Variants in MIPOL1 observed in about 807,000 individuals in gnomAD.
The protein encoded by MIPOL1 is mirror-image polydactyly gene 1 protein.
A neutral mutation model predicts 60.9 loss-of-function variants in MIPOL1; 57 were observed. The ratio of observed to expected loss-of-function variants is 0.94; its 90% confidence interval spans 0.76 to 1.17. MIPOL1 has a LOEUF of 1.17. MIPOL1 is among the 50% of genes most tolerant of loss of function. The pLI, the probability that MIPOL1 is intolerant of heterozygous loss-of-function variation, is 0.00. For missense variants in MIPOL1, 551 were observed against 511.6 expected (o/e 1.08, Z -0.74); for synonymous variants, 179 against 168.8 (o/e 1.06, Z -0.47).
intron 12 of MIPOL1, among the ~76,000 whole-genome samples, chr14:37,541,800 C>T (rs942278113): frequency 6.6e-6 from 1 of 152,174 alleles, no homozygotes; most frequent in African/African-American, 2.4e-5. Flanking sequence ...GTTAACCAGT[C>T]GTAGTTTCAA....
intron 7 of MIPOL1, among the ~76,000 whole-genome samples, chr14:37,295,701 CAAAG>C (rs1318051999): frequency 1.4e-4 from 21 of 152,202 alleles, no homozygotes; most frequent in South Asian, 2.1e-4. Context: ...TCAAAAGAGA[CAAAG>C]AAGGCCATTG....
chr14:37,269,551 G>A (rs1354671457), intron 5 of MIPOL1, among the ~76,000 whole-genome samples: 1 of 152,070 alleles, frequency 6.6e-6, no homozygotes, highest in Non-Finnish European at 1.5e-5. Flanking sequence ...GATTCTGTAT[G>A]AGATGTTTTC....
chr14:37,355,003 T>C (rs1458788007), intron 9 of MIPOL1, among the ~76,000 whole-genome samples: 8 of 123,738 alleles, frequency 6.5e-5, no homozygotes, highest in African/African-American at 2.1e-4. Flanking sequence ...TTCCTAGTCT[T>C]GATGGTCTTT....
rs1029631988 is a variant in MIPOL1 at position 37,308,072 on chromosome 14, C to T, written c.640C>T (p.Pro214Ser). The change falls in exon 8 of 13, where the codon CCT becomes TCT. Residue 214 changes from proline (P) to serine (S), a missense_variant. Transcript: ENST00000684589. ...MSLKVLENIN[P>S]EENDMTLQEL... ...TTTTTCTAGGCTAGAAAATATTAAC[C>T]CTGAAGAAAATGACATGGTAAGCCA... 1.2e-6 allele frequency: 2 copies of T among 1,610,368 alleles called. No individual in the cohort carries two copies. The highest frequency in any genetic ancestry group is 1.7e-6 in the Non-Finnish European group (2 of 1,177,978).
chr14:37,204,019 T>G (rs1239360326), intron 1 of MIPOL1, among the ~76,000 whole-genome samples: 1 of 152,036 alleles, frequency 6.6e-6, no homozygotes, highest in Non-Finnish European at 1.5e-5. Flanking sequence ...CCTGACCACG[T>G]GGTCCGCCCA....
intron 6 of MIPOL1, among the ~76,000 whole-genome samples, chr14:37,272,873 A>G (rs1234187397): frequency 6.6e-6 from 1 of 151,570 alleles, no homozygotes. Context: ...ACTTATAAAA[A>G]CATCTGAACT....
At chr14:37,269,752 T>G (rs1311605700) in intron 5 of MIPOL1, among the ~76,000 whole-genome samples, 1 of 152,208 alleles carries the variant, frequency 6.6e-6, no homozygotes, top group Admixed American at 6.5e-5. Context: ...ATCTGTTATT[T>G]TATTAGGCAA....
intron 1 of MIPOL1, among the ~76,000 whole-genome samples, chr14:37,222,702 CTTAAG>C (rs753262196): frequency 1.3e-5 from 2 of 152,170 alleles, no homozygotes; most frequent in Non-Finnish European, 2.9e-5. Context: ...ATCATGATCT[CTTAAG>C]TTATTTGTAA....
At chr14:37,299,896 T>C (rs1024259542) in intron 7 of MIPOL1, among the ~76,000 whole-genome samples, 1 of 152,104 alleles carries the variant, frequency 6.6e-6, no homozygotes, top group Non-Finnish European at 1.5e-5. Flanking sequence ...ACATTTTCTC[T>C]AACTTTTCTT....
intron 1 of MIPOL1, among the ~76,000 whole-genome samples, chr14:37,214,809 C>T (rs924874260): frequency 1.2e-4 from 18 of 152,066 alleles, no homozygotes; most frequent in East Asian, 3.9e-4. Flanking sequence ...CATTACCAAG[C>T]GGACCGTGGT....
At chr14:37,248,107 C>T (rs1379425492) in intron 3 of MIPOL1, among the ~76,000 whole-genome samples, 200 bp downstream of exon 3, 1 of 150,914 alleles carries the variant, frequency 6.6e-6, no homozygotes, top group Non-Finnish European at 1.5e-5. Context: ...GACATACACA[C>T]AGAGAGAAAG....
intron 11 of MIPOL1, among the ~76,000 whole-genome samples, chr14:37,464,279 C>A (rs1027158650): frequency 1.3e-5 from 2 of 152,134 alleles, no homozygotes; most frequent in African/African-American, 2.4e-5. Flanking sequence ...GAAAAAGACA[C>A]CTGCACTTGT....
intron 10 of MIPOL1, among the ~76,000 whole-genome samples, chr14:37,414,147 A>G (rs957246742): frequency 3.9e-5 from 6 of 152,194 alleles, no homozygotes; most frequent in Non-Finnish European, 7.3e-5. Context: ...CAAATCTAAC[A>G]TAATATAATC....
intron 7 of MIPOL1, among the ~76,000 whole-genome samples, chr14:37,293,241 C>T (rs1473143686): frequency 6.6e-6 from 1 of 152,138 alleles, no homozygotes. Flanking sequence ...AGCTCACTAT[C>T]TTCCCAACAC....
intron 9 of MIPOL1, among the ~76,000 whole-genome samples, chr14:37,356,977 T>C (rs2091893155): frequency 6.6e-6 from 1 of 152,198 alleles, no homozygotes. Flanking sequence ...CCACTGTGTA[T>C]ACATGTGCCA....
intron 12 of MIPOL1, among the ~76,000 whole-genome samples, chr14:37,543,147 C>T (rs1279717040): frequency 6.6e-6 from 1 of 152,218 alleles, no homozygotes; most frequent in Non-Finnish European, 1.5e-5. Context: ...CCTCAGAGGT[C>T]ATGAAGTGCT....
At chr14:37,395,755 C>G (rs1465517862) in intron 10 of MIPOL1, among the ~76,000 whole-genome samples, 2 of 152,100 alleles carry the variant, frequency 1.3e-5, no homozygotes, top group Non-Finnish European at 2.9e-5. Context: ...TGATTTCTTT[C>G]TCTTGTCTGA....
At chr14:37,280,058 C>T (rs1218920039) in intron 6 of MIPOL1, among the ~76,000 whole-genome samples, 1 of 152,086 alleles carries the variant, frequency 6.6e-6, no homozygotes, top group Non-Finnish European at 1.5e-5. Context: ...CTGTGCTTGG[C>T]TTATTTCGCC....
At chr14:37,444,004 A>G (rs2094293388) in intron 11 of MIPOL1, among the ~76,000 whole-genome samples, 2 of 152,154 alleles carry the variant, frequency 1.3e-5, no homozygotes, top group African/African-American at 4.8e-5. Context: ...ATTTACAGCT[A>G]TTATATTTAA....
Sources: allele counts gnomAD v4.1 joint callset (sites outside exome capture counted in the v4.1 genomes callset), GRCh38; gene constraint gnomAD v4.1.1; transcripts MANE v1.5; gene names NCBI Gene and HGNC (gene_info 2026-07-23, HGNC 2026-07-21).